ANKRD46: variants seen among roughly 807,000 people sequenced by gnomAD.
The protein encoded by ANKRD46 is ankyrin repeat domain-containing protein 46.
In ANKRD46, 13 loss-of-function variants were observed where a neutral mutation model predicts 19.8. The observed-to-expected ratio is 0.66, with a 90% CI of 0.43 to 1.04. The LOEUF (loss-of-function observed/expected upper bound fraction) is 1.04, where lower values mean the gene tolerates loss of function less well. Ranked by LOEUF, ANKRD46 falls within the 50% of genes least tolerant of loss-of-function variation. The pLI, the probability that ANKRD46 is intolerant of heterozygous loss-of-function variation, is 0.00. For synonymous variants in ANKRD46, 91 were observed against 106.9 expected, an observed-to-expected ratio of 0.85 and a Z score of 0.92; for missense variants, 185 against 274.8, an observed-to-expected ratio of 0.67 and a Z score of 2.31.
At chr8:100,558,460 A>G (rs1212889645) in intron 1 of ANKRD46, among the ~76,000 whole-genome samples, 1 of 152,236 alleles carries the variant, frequency 6.6e-6, no homozygotes, top group African/African-American at 2.4e-5. Flanking sequence ...AACCAAACAA[A>G]TTCATCTCTA....
Position 100,529,135 on chromosome 8 carries a change from G to C in ANKRD46, c.311+388C>G, listed in dbSNP as rs1403883001. ...TGTGAACTTTGTCCAATCCTTTTTT[G>C]TCTTCACTATCTAATCTGTAAAATG... On this transcript the variant is annotated intron_variant, in intron 3 of 4. Transcript: ENST00000335659. The surrounding 1 kb of genome is among the most constrained non-coding windows in gnomAD (Gnocchi z 5.8). Among the ~76,000 whole-genome samples, 1 of 152,004 alleles carries C rather than the reference G, an allele frequency of 6.6e-6. No individual in the cohort carries two copies. The highest frequency in any genetic ancestry group is 1.5e-5 in the Non-Finnish European group (1 of 68,000).
At chr8:100,530,035 T>C (rs1811926389) in intron 2 of ANKRD46, among the ~76,000 whole-genome samples, 175 bp from the exon 3 acceptor site, 1 of 152,238 alleles carries the variant, frequency 6.6e-6, no homozygotes, top group Admixed American at 6.5e-5. Flanking sequence ...TTAAAACATT[T>C]TATTTTCTTC....
rs1250670954 is a variant in ANKRD46, at chr8:100,559,025, G to A, written c.-131+686C>T. 1.3e-5 allele frequency: 2 copies of A among 152,110 alleles called. No homozygotes were observed. Among genetic ancestry groups the A allele is most frequent in the Non-Finnish European group, 2.9e-5 (2 of 68,024 alleles). The allele number at this position is 152,110 out of a possible 1,614,324, so 9.4% of individuals were successfully genotyped here. Reference sequence around the variant, plus strand: ...AGATTGAGAAGCGCTACTATTCAATGGCATATTTTTACCTTATTATGTTCT... The same window carrying A: ...AGATTGAGAAGCGCTACTATTCAATAGCATATTTTTACCTTATTATGTTCT... On this transcript the variant is annotated intron_variant, in intron 1 of 4. Transcript: ENST00000335659. The surrounding 1 kb of genome is among the most constrained non-coding windows in gnomAD (Gnocchi z 6.0).
In ANKRD46 at chr8:100,511,152, T is replaced by C. The variant is rs1347511130; in HGVS notation, c.637-513A>G. On this transcript the variant is annotated intron_variant, in intron 5 of 5. Coordinates refer to the ANKRD46 transcript ENST00000520552. The surrounding 1 kb of genome is among the most constrained non-coding windows in gnomAD (Gnocchi z 4.1). ...GGCTTACACATCGCAGCTGATCCCCTGGTTAGCATTACTATTCCCATGTAA... is the reference window on the plus strand; with the variant it reads ...GGCTTACACATCGCAGCTGATCCCCCGGTTAGCATTACTATTCCCATGTAA... 6.6e-6 allele frequency among the ~76,000 whole-genome samples: 1 copy of C among 152,186 alleles called. No homozygotes were observed. The highest frequency in any genetic ancestry group is 1.5e-5 in the Non-Finnish European group (1 of 68,032).
At chr8:100,558,683 C>A (rs146104966) in intron 1 of ANKRD46, among the ~76,000 whole-genome samples, 272 of 152,224 alleles carry the variant, frequency 1.8e-3, no homozygotes, top group African/African-American at 6.4e-3. Flanking sequence ...TTAGACAGCG[C>A]TACATGTTTG....
At chr8:100,528,517 CTTT>C (rs775087189) in intron 3 of ANKRD46, among the ~76,000 whole-genome samples, 50 of 126,338 alleles carry the variant, frequency 4.0e-4, no homozygotes, top group Admixed American at 7.2e-4. Context: ...CCTTGTTTTT[CTTT>C]TTTTTTTTTT....
chr8:100,521,347 T>C lies in ANKRD46; in HGVS notation c.*1208A>G. On this transcript the variant is annotated 3_prime_UTR_variant, in exon 5 of 5. Coordinates refer to ENST00000335659, the MANE Select transcript of ANKRD46 (RefSeq NM_001270377.2). ...ACTACAATTTCCTGACTTTACCCAATAAATAATTATCAAGCCTTCATATTC... is the reference window on the plus strand; with the variant it reads ...ACTACAATTTCCTGACTTTACCCAACAAATAATTATCAAGCCTTCATATTC... The C allele has an allele frequency of 1.0e-6, 1 of 985,408 alleles. No individual in the cohort carries two copies. The highest frequency in any genetic ancestry group is 6.1e-5 in the Admixed American group (1 of 16,280). 61.0% of individuals were successfully genotyped at this position (985,408 alleles called of 1,614,324 possible). A position where few individuals can be genotyped will look rare whatever the true frequency, so the allele number is the denominator to read the frequency against.
rs867189398 is a variant in ANKRD46, at chr8:100,536,241, A to G, written c.-130-2930T>C. ...CCCCTGTGAATGGATGTGAAACCTA[A>G]GTAAACATAATGAAGCCTGCTTGGA... is the stretch of plus-strand genomic sequence containing the variant. On this transcript the variant is annotated intron_variant, in intron 1 of 4. Transcript: ENST00000335659. This position sits in a 1 kb window ranked among gnomAD's most constrained non-coding sequence, Gnocchi z 4.9. Among the ~76,000 whole-genome samples, 12 of 152,336 alleles carry G rather than the reference A, an allele frequency of 7.9e-5. No homozygotes were observed. Among genetic ancestry groups the G allele is most frequent in the South Asian group, 2.1e-4 (1 of 4,820 alleles).
chr8:100,510,527 CTTCT>C lies in ANKRD46; in HGVS notation c.*46_*49del. Reference sequence around the variant, plus strand: ...AACAGGGACGCTGACGTCTGTATCCCTTCTTTCTTGCCTTCTGAGGCTCAGGAGC... The same window carrying C: ...AACAGGGACGCTGACGTCTGTATCCCTTCTTGCCTTCTGAGGCTCAGGAGC... On this transcript the variant is annotated 3_prime_UTR_variant, in exon 6 of 6. Coordinates refer to the ANKRD46 transcript ENST00000520552. The surrounding 1 kb of genome is among the most constrained non-coding windows in gnomAD (Gnocchi z 4.9). 2 of 1,510,314 alleles carry C rather than the reference CTTCT, an allele frequency of 1.3e-6. No individual in the cohort carries two copies. The highest frequency in any genetic ancestry group is 1.2e-5 in the South Asian group (1 of 82,564). 93.6% of individuals were successfully genotyped at this position (1,510,314 alleles called of 1,614,324 possible).
chr8:100,555,722 TAAAAAAAAAAAAAAAAAAAAA>T (rs59521764), intron 1 of ANKRD46, among the ~76,000 whole-genome samples: 2,304 of 53,322 alleles, frequency 0.043, 104 homozygotes, highest in African/African-American at 0.15. Context: ...TTTCCTCAGC[TAAAAAAAAAAAAAAAAAAAAA>T]AAAAAAAAAA....
At position 100,533,233 on chromosome 8, in the gene ANKRD46, C is replaced by A. The variant is rs1812000326; in HGVS notation, c.-52G>T. The A allele has an allele frequency of 6.6e-6, 1 of 152,178 alleles. No homozygotes were observed. Among genetic ancestry groups the A allele is most frequent in the Non-Finnish European group, 1.5e-5 (1 of 68,042 alleles). 9.4% of individuals were successfully genotyped at this position (152,178 alleles called of 1,614,324 possible). On this transcript the variant is annotated 5_prime_UTR_variant, in exon 2 of 5. Transcript: ENST00000335659. Reference sequence around the variant, plus strand: ...CGTAAGCCTTAAGATTAGATCTTTTCGTTCAGTGGTCACTCAGCAGTTTCT... The same window carrying A: ...CGTAAGCCTTAAGATTAGATCTTTTAGTTCAGTGGTCACTCAGCAGTTTCT...
chr8:100,555,324 A>G (rs1370006883), intron 1 of ANKRD46, among the ~76,000 whole-genome samples: 1 of 151,802 alleles, frequency 6.6e-6, no homozygotes, highest in Non-Finnish European at 1.5e-5. Flanking sequence ...CCAGAAGCAA[A>G]GAGGTGCACT....
intron 4 of ANKRD46, among the ~76,000 whole-genome samples, chr8:100,523,983 T>C (rs1449957929): frequency 6.6e-6 from 1 of 152,248 alleles, no homozygotes; most frequent in Non-Finnish European, 1.5e-5. Flanking sequence ...CCTATTGGTG[T>C]TAGTTCTATC....
Position 100,550,692 on chromosome 8 carries a change from G to A in ANKRD46, c.-131+9019C>T. The A allele has an allele frequency of 3.2e-6, 1 of 311,390 alleles. No individual in the cohort carries two copies. The highest frequency in any genetic ancestry group is 6.3e-6 in the Non-Finnish European group (1 of 159,172). The allele number at this position is 311,390 out of a possible 1,614,324, so 19.3% of individuals were successfully genotyped here. A position where few individuals can be genotyped will look rare whatever the true frequency, so the allele number is the denominator to read the frequency against. ...AGCTGAAGGTCTCTTTCTTCCTCTT[G>A]TGCTCTCACTGGGGCTGGTTGTCGA... On this transcript the variant is annotated intron_variant, in intron 1 of 4. Transcript: ENST00000335659. The surrounding 1 kb of genome is among the most constrained non-coding windows in gnomAD (Gnocchi z 4.4).
At chr8:100,517,929 G>A (rs1237234487), downstream of ANKRD46, among the ~76,000 whole-genome samples, 3 of 152,180 alleles carry the variant, frequency 2.0e-5, no homozygotes, top group Admixed American at 6.5e-5. Flanking sequence ...AGTGGCTCAC[G>A]CCTGTAATCC....
intron 3 of ANKRD46, among the ~76,000 whole-genome samples, 173 bp from the exon 4 acceptor site, chr8:100,528,176 CACT>C (rs971670146): frequency 5.3e-5 from 8 of 152,220 alleles, no homozygotes; most frequent in African/African-American, 1.7e-4. Context: ...GTATTTGGCT[CACT>C]ACAACTCTTC....
intron 5 of ANKRD46, among the ~76,000 whole-genome samples, chr8:100,515,387 A>ATT (rs148438346): frequency 6.6e-6 from 1 of 151,924 alleles, no homozygotes; most frequent in South Asian, 2.1e-4. Flanking sequence ...ACCGAAATGG[A>ATT]TTTTTTTTGA....
chr8:100,551,532 C>T (rs553533390), intron 1 of ANKRD46: 3 of 816,760 alleles, frequency 3.7e-6, no homozygotes, highest in South Asian at 1.3e-5. Context: ...CCATTCTCAG[C>T]CTTGACGGTG....
chr8:100,512,892 TGGCTGGTTCGGGGGTTAGAAGCCCA>T (rs1445479642), intron 5 of ANKRD46, among the ~76,000 whole-genome samples: 1 of 152,190 alleles, frequency 6.6e-6, no homozygotes, highest in African/African-American at 2.4e-5. Context: ...AACCTGAGAT[TGGCTGGTTCGGGGGTTAGAAGCCCA>T]GGCATTTTCC....
Sources: gnomAD v4.1 joint callset for allele counts (sites outside exome capture counted in the v4.1 genomes callset) on GRCh38, gnomAD v4.1.1 for gene constraint, Gnocchi (gnomAD v3.1) non-coding constraint, MANE v1.5 for transcripts, NCBI Gene and HGNC (gene_info 2026-07-23, HGNC 2026-07-21) for gene names.